CELF2: variants seen among roughly 807,000 people sequenced by gnomAD.
The protein encoded by CELF2 is CUGBP Elav-like family member 2, also known as CUG triplet repeat RNA-binding protein 2.
A neutral mutation model predicts 62.6 loss-of-function variants in CELF2; 8 were observed. The observed-to-expected ratio is 0.13, with a 90% CI of 0.07 to 0.23. The LOEUF (loss-of-function observed/expected upper bound fraction) is 0.23, where lower values mean the gene tolerates loss of function less well. Ranked by LOEUF, CELF2 falls within the 10% of genes least tolerant of loss-of-function variation. CELF2 has a pLI of 1.00. For synonymous variants in CELF2, 258 were observed against 250.0 expected, an observed-to-expected ratio of 1.03 and a Z score of -0.30; for missense variants, 333 against 671.0, an observed-to-expected ratio of 0.50 and a Z score of 5.56.
Position 11,269,118 on chromosome 10 carries a change from C to T in CELF2, c.619-1548C>T, listed in dbSNP as rs908514694. On this transcript the variant is annotated intron_variant, in intron 6 of 12. Coordinates refer to ENST00000633077, the MANE Select transcript of CELF2 (RefSeq NM_001326342.2). This position sits in a 1 kb window ranked among gnomAD's most constrained non-coding sequence, Gnocchi z 4.4. ...TGACAACCCTTTTCCATGCAAAACC[C>T]CCTCTCTACATAATCTTCAAAGTAT... Among the ~76,000 whole-genome samples, 2 of 152,116 alleles carry T rather than the reference C, an allele frequency of 1.3e-5. No individual in the cohort carries two copies. Among genetic ancestry groups the T allele is most frequent in the African/African-American group, 4.8e-5 (2 of 41,400 alleles).
At chr10:11,238,580 T>C (rs567695918) in intron 3 of CELF2, among the ~76,000 whole-genome samples, 45 of 152,348 alleles carry the variant, frequency 3.0e-4, no homozygotes, top group Admixed American at 2.7e-3. Flanking sequence ...TAAAGTATTA[T>C]CAAATAAATT....
upstream of CELF2, among the ~76,000 whole-genome samples, chr10:11,004,445 GT>G (rs1193510746): frequency 1.3e-5 from 2 of 150,956 alleles, no homozygotes; most frequent in African/African-American, 4.9e-5. The surrounding 1 kb of genome is among the most constrained non-coding windows in gnomAD (Gnocchi z 5.0). Flanking sequence ...GTGTGTGTGT[GT>G]TGTTATTTTA....
At position 10,957,588 on chromosome 10, in the gene CELF2, G is replaced by A. The variant is rs1592398815; in HGVS notation, c.89+37589G>A. Among the ~76,000 whole-genome samples the A allele has an allele frequency of 6.6e-6, 1 of 152,126 alleles. No individual in the cohort carries two copies. The highest frequency in any genetic ancestry group is 6.5e-5 in the Admixed American group (1 of 15,270). On this transcript the variant is annotated intron_variant, in intron 2 of 13. Transcript: ENST00000636488. The surrounding 1 kb of genome is among the most constrained non-coding windows in gnomAD (Gnocchi z 4.1). ...CTCTCCCTAGATAGAGGGCAGAGAG[G>A]TCAAAGTCAGTGGGCAACCTCTTAC...
At chr10:10,612,427 ATTG>A in the CELF2 span, among the ~76,000 whole-genome samples, 1 of 152,190 alleles carries the variant, frequency 6.6e-6, no homozygotes, top group Non-Finnish European at 1.5e-5. Flanking sequence ...TCACCAAATA[ATTG>A]TTAAGAATTT....
At chr10:10,589,054 A>G in the CELF2 span, among the ~76,000 whole-genome samples, 2 of 152,220 alleles carry the variant, frequency 1.3e-5, no homozygotes, top group Non-Finnish European at 2.9e-5. Context: ...CAAGGTGCTC[A>G]GGCTACAACT....
upstream of CELF2, among the ~76,000 whole-genome samples, chr10:11,016,975 T>C (rs540535746): frequency 1.3e-5 from 2 of 152,382 alleles, no homozygotes; most frequent in South Asian, 2.1e-4. This position sits in a 1 kb window ranked among gnomAD's most constrained non-coding sequence, Gnocchi z 5.2. Context: ...AAGTCTTACA[T>C]ACTTGTGACT....
chr10:10,518,095 G>A, the CELF2 span, among the ~76,000 whole-genome samples: 1 of 152,158 alleles, frequency 6.6e-6, no homozygotes, highest in African/African-American at 2.4e-5. Flanking sequence ...CCTGCATGGT[G>A]CTAAGTTACC....
chr10:11,037,125 A>T (rs2061083402), intron 1 of CELF2, among the ~76,000 whole-genome samples: 1 of 152,254 alleles, frequency 6.6e-6, no homozygotes, highest in African/African-American at 2.4e-5. Context: ...AAGAGGTTTA[A>T]TGGACTCACA....
At chr10:11,153,701 G>A (rs982908665) in intron 1 of CELF2, among the ~76,000 whole-genome samples, 5 of 152,200 alleles carry the variant, frequency 3.3e-5, no homozygotes, top group Admixed American at 2.6e-4. Flanking sequence ...ACAATTAACC[G>A]TGATCTTATT....
chr10:11,209,621 G>T (rs551355885), intron 2 of CELF2, among the ~76,000 whole-genome samples: 69 of 150,084 alleles, frequency 4.6e-4, no homozygotes, highest in African/African-American at 1.6e-3. Flanking sequence ...TTTTAATTCA[G>T]GGGATTTTTG....
chr10:10,952,863 A>G (rs1409352193), intron 2 of CELF2, among the ~76,000 whole-genome samples: 1 of 152,222 alleles, frequency 6.6e-6, no homozygotes, highest in Admixed American at 6.5e-5. Flanking sequence ...CATTTGGTCC[A>G]TATGTAATTA....
intron 2 of CELF2, among the ~76,000 whole-genome samples, chr10:11,200,024 C>T (rs2058859750): frequency 6.6e-6 from 1 of 152,152 alleles, no homozygotes; most frequent in Non-Finnish European, 1.5e-5. Flanking sequence ...CTTCCAGGGA[C>T]AGATTTTGTT....
intron 1 of CELF2, among the ~76,000 whole-genome samples, chr10:10,893,647 T>C (rs2062318168): frequency 6.6e-6 from 1 of 152,284 alleles, no homozygotes. Context: ...ATGGGAAACA[T>C]AGTGGCTTCT....
the CELF2 span, among the ~76,000 whole-genome samples, chr10:10,751,579 T>C: frequency 6.6e-6 from 1 of 152,214 alleles, no homozygotes; most frequent in East Asian, 1.9e-4. Flanking sequence ...TTCATGCTGA[T>C]GAGGCAGGGC....
chr10:10,763,082 G>A, the CELF2 span, among the ~76,000 whole-genome samples: 2 of 152,128 alleles, frequency 1.3e-5, no homozygotes, highest in Admixed American at 6.5e-5. Context: ...TAGCCTCTTC[G>A]AGCTTCAATT....
intron 1 of CELF2, among the ~76,000 whole-genome samples, chr10:10,878,692 A>G (rs768125154): frequency 5.9e-5 from 9 of 152,216 alleles, no homozygotes; most frequent in Admixed American, 2.6e-4. Context: ...GTGACAATAC[A>G]TCGCTACTTG....
Position 11,270,915 on chromosome 10 carries a change from G to T in CELF2, c.777+91G>T, listed in dbSNP as rs1261823630. 8.5e-7 allele frequency: 1 copy of T among 1,175,810 alleles called. No individual in the cohort carries two copies. Among genetic ancestry groups the T allele is most frequent in the African/African-American group, 1.6e-5 (1 of 63,564 alleles). 72.8% of individuals were successfully genotyped at this position (1,175,810 alleles called of 1,614,324 possible). ...CCCTACGCTGAGGCATTTGTTTTCA[G>T]TACATTTTCAATCTCGGGGAATTAT... On this transcript the variant is annotated intron_variant, in intron 7 of 12. Transcript: ENST00000633077. This position sits in a 1 kb window ranked among gnomAD's most constrained non-coding sequence, Gnocchi z 5.8.
the CELF2 span, among the ~76,000 whole-genome samples, chr10:10,611,597 T>C: frequency 6.6e-6 from 1 of 152,124 alleles, no homozygotes; most frequent in Non-Finnish European, 1.5e-5. Context: ...TCCAACATGA[T>C]TGAAAACACC....
rs1565233668 is a variant in CELF2, at chr10:11,197,059, A to AAG, written c.272-20365_272-20364insGA. On this transcript the variant is annotated intron_variant, in intron 2 of 12. Coordinates refer to ENST00000633077, the MANE Select transcript of CELF2 (RefSeq NM_001326342.2). ...AAAGAAAGAAAGAAAGAAAGAAAGA[A>AAG]AAGAAAGAAAGGAAAGAAAGAAAGA... Among the ~76,000 whole-genome samples, 5 of 49,022 alleles carry AAG rather than the reference A, an allele frequency of 1.0e-4. 1 individual carries two copies. The highest frequency in any genetic ancestry group is 4.1e-4 in the African/African-American group (5 of 12,124). 32.2% of individuals were successfully genotyped at this position (49,022 alleles called of 152,430 possible).
Sources: allele counts gnomAD v4.1 joint callset (sites outside exome capture counted in the v4.1 genomes callset), GRCh38; gene constraint gnomAD v4.1.1; non-coding constraint Gnocchi (gnomAD v3.1); transcripts MANE v1.5; gene names NCBI Gene and HGNC (gene_info 2026-07-23, HGNC 2026-07-21).